The following CEP112 variants were observed in gnomAD, a reference collection of about 807,000 sequenced individuals.
CEP112 encodes the protein centrosomal protein of 112 kDa.
Under a neutral mutation model 153.0 loss-of-function variants are expected in CEP112, and 127 were observed. That is an observed-to-expected ratio of 0.83 (90% CI 0.72 to 0.96). The LOEUF is 0.96. Among genes scored for constraint, CEP112 ranks in the 40% least tolerant of loss-of-function variants. The pLI, the probability that CEP112 is intolerant of heterozygous loss-of-function variation, is 0.00. For synonymous variants in CEP112, 358 were observed against 374.4 expected (o/e 0.96, Z 0.51); for missense variants, 1,089 against 1,101.2 (o/e 0.99, Z 0.16).
chr17:66,031,479 T>G (rs1287218776), intron 12 of CEP112, among the ~76,000 whole-genome samples: 12 of 23,152 alleles, frequency 5.2e-4, no homozygotes, highest in Middle Eastern at 0.026. Context: ...TTTTGTTTTT[T>G]TTTTTTGTTT....
intron 8 of CEP112, among the ~76,000 whole-genome samples, chr17:66,083,218 C>T (rs1258211214): frequency 1.3e-5 from 2 of 152,098 alleles, no homozygotes; most frequent in Non-Finnish European, 2.9e-5. Flanking sequence ...GTGAATAAGT[C>T]TCATGAGATC....
chr17:65,905,188 T>G (rs555865925), intron 19 of CEP112, among the ~76,000 whole-genome samples: 1 of 152,046 alleles, frequency 6.6e-6, no homozygotes, highest in South Asian at 2.1e-4. Flanking sequence ...GGGAGAAAAT[T>G]TTTGCAATCT....
intron 6 of CEP112, among the ~76,000 whole-genome samples, chr17:66,104,256 G>C (rs1463498583): frequency 6.6e-6 from 1 of 152,124 alleles, no homozygotes; most frequent in Non-Finnish European, 1.5e-5. Context: ...TGAGTAAAAA[G>C]AATTTTGTCT....
intron 16 of CEP112, among the ~76,000 whole-genome samples, chr17:66,014,935 T>C (rs2064707261): frequency 6.6e-6 from 1 of 152,234 alleles, no homozygotes; most frequent in Admixed American, 6.5e-5. Flanking sequence ...TTTACCTATC[T>C]TGAGCAATCC....
intron 5 of CEP112, 109 bp from the exon 6 acceptor site, chr17:66,129,932 TAAA>T: frequency 2.0e-6 from 1 of 501,382 alleles, no homozygotes; most frequent in Non-Finnish European, 3.2e-6. Flanking sequence ...TAAAGGGAAA[TAAA>T]GAGGAAGGAA....
At chr17:66,022,883 T>G (rs1386554934) in intron 16 of CEP112, among the ~76,000 whole-genome samples, 1 of 151,832 alleles carries the variant, frequency 6.6e-6, no homozygotes, top group Non-Finnish European at 1.5e-5. Context: ...AAAAAATAAT[T>G]TCTGGAAATG....
At chr17:65,680,507 C>T (rs1477029714) in intron 24 of CEP112, among the ~76,000 whole-genome samples, 1 of 152,104 alleles carries the variant, frequency 6.6e-6, no homozygotes, top group Non-Finnish European at 1.5e-5. Context: ...TCCATCCCGT[C>T]CTTCTTCCTC....
chr17:66,144,327 G>C (rs1043012530), intron 4 of CEP112, among the ~76,000 whole-genome samples: 1 of 152,096 alleles, frequency 6.6e-6, no homozygotes, highest in Non-Finnish European at 1.5e-5. Flanking sequence ...TAAACAGTAT[G>C]TACATGTTTA....
chr17:65,873,983 C>A (rs946310896), intron 20 of CEP112, among the ~76,000 whole-genome samples: 1 of 152,128 alleles, frequency 6.6e-6, no homozygotes, highest in African/African-American at 2.4e-5. Context: ...AAATGCTCTG[C>A]TTAATACAAA....
intron 4 of CEP112, among the ~76,000 whole-genome samples, chr17:66,156,503 C>T (rs2146722325): frequency 6.6e-6 from 1 of 152,194 alleles, no homozygotes; most frequent in Middle Eastern, 3.4e-3. Flanking sequence ...TCCTTGCCAG[C>T]AAGGGAACAA....
intron 20 of CEP112, among the ~76,000 whole-genome samples, chr17:65,867,072 C>T (rs2058512577): frequency 6.6e-6 from 1 of 152,242 alleles, no homozygotes; most frequent in African/African-American, 2.4e-5. Flanking sequence ...AGGGCTGTAA[C>T]ATCCTCTTTA....
chr17:65,716,119 A>G (rs549255068), intron 23 of CEP112, among the ~76,000 whole-genome samples: 3 of 152,022 alleles, frequency 2.0e-5, no homozygotes, highest in Admixed American at 1.3e-4. Flanking sequence ...TGGTAAAAGC[A>G]GAGAATATAG....
intron 8 of CEP112, among the ~76,000 whole-genome samples, chr17:66,095,655 C>A (rs566078725): frequency 9.8e-5 from 15 of 152,290 alleles, no homozygotes; most frequent in Non-Finnish European, 1.6e-4. Context: ...TATGAGAGTA[C>A]ATTTTAAGTA....
In CEP112 at chr17:65,851,796, T is replaced by C; in HGVS notation, c.2394+8A>G. ...ACTGCCTATTAAAAAACTAGTTAAATATCTTACCTTTTCCAGTGTCATCTC... is the reference window on the plus strand; with the variant it reads ...ACTGCCTATTAAAAAACTAGTTAAACATCTTACCTTTTCCAGTGTCATCTC... On this transcript the variant is annotated splice_region_variant and intron_variant, in intron 21 of 26. Transcript: ENST00000535342. 6.3e-7 allele frequency: 1 copy of C among 1,599,604 alleles called. No homozygotes were observed. Among genetic ancestry groups the C allele is most frequent in the Non-Finnish European group, 8.5e-7 (1 of 1,171,106 alleles).
At chr17:65,696,345 C>T (rs1052961476) in intron 23 of CEP112, among the ~76,000 whole-genome samples, 1 of 152,282 alleles carries the variant, frequency 6.6e-6, no homozygotes, top group African/African-American at 2.4e-5. Flanking sequence ...GTAAATGGAT[C>T]TTGTCCTTGG....
chr17:65,734,385 G>C (rs776176836), intron 23 of CEP112, among the ~76,000 whole-genome samples: 7 of 152,056 alleles, frequency 4.6e-5, no homozygotes, highest in Non-Finnish European at 7.4e-5. Context: ...TTGGGTTTCA[G>C]GATTCCTTTC....
intron 23 of CEP112, among the ~76,000 whole-genome samples, chr17:65,731,638 C>T (rs1400049452): frequency 6.6e-6 from 1 of 152,210 alleles, no homozygotes; most frequent in African/African-American, 2.4e-5. Flanking sequence ...GATTTAACCA[C>T]AGTAGAATTT....
rs781134519 is a variant in CEP112, at chr17:66,175,051, C to T, written c.463G>A (p.Val155Ile). The part of the protein sequence containing the change: ...DNTLVQSPTD[V>I]YSREQYTGKL... ...CCCATTCTCTTTACATACCTGTAGA[C>T]ATCAGTTGGCGACTGTACTAAAGTG... The change falls in exon 4 of 27, where the codon GTC becomes ATC. Residue 155 changes from valine (V) to isoleucine (I), a missense_variant. Transcript: ENST00000535342. 1 of 1,598,370 alleles carries T rather than the reference C, an allele frequency of 6.3e-7. No homozygotes were observed.
chr17:66,183,625 G>A (rs527880672), intron 1 of CEP112, among the ~76,000 whole-genome samples: 3 of 152,076 alleles, frequency 2.0e-5, no homozygotes, highest in Non-Finnish European at 4.4e-5. Context: ...ATTGGTGAAA[G>A]GATAGACAGA....
Sources: gnomAD v4.1 joint callset for allele counts (sites outside exome capture counted in the v4.1 genomes callset) on GRCh38, gnomAD v4.1.1 for gene constraint, MANE v1.5 for transcripts, NCBI Gene and HGNC (gene_info 2026-07-23, HGNC 2026-07-21) for gene names.